TRIP12: variants seen among roughly 807,000 people sequenced by gnomAD.
TRIP12 encodes the protein E3 ubiquitin-protein ligase TRIP12.
Under a neutral mutation model 244.2 loss-of-function variants are expected in TRIP12, and 25 were observed. That is an observed-to-expected ratio of 0.10 (90% CI 0.07 to 0.14). TRIP12 has a LOEUF of 0.14. Among genes scored for constraint, TRIP12 ranks in the 10% least tolerant of loss-of-function variants. TRIP12 has a pLI of 1.00. For synonymous variants in TRIP12, 905 were observed against 873.1 expected, an observed-to-expected ratio of 1.04 and a Z score of -0.64; for missense variants, 1,677 against 2,486.4, an observed-to-expected ratio of 0.67 and a Z score of 6.92.
intron 2 of TRIP12, among the ~76,000 whole-genome samples, chr2:229,870,799 A>G (rs1576401172): frequency 6.6e-6 from 1 of 152,192 alleles, no homozygotes; most frequent in African/African-American, 2.4e-5. Flanking sequence ...AAAAATCAAG[A>G]AAAGGAAAGT....
At chr2:229,856,862 A>T (rs754196739) in intron 4 of TRIP12, among the ~76,000 whole-genome samples, 2 of 152,218 alleles carry the variant, frequency 1.3e-5, no homozygotes, top group Admixed American at 6.5e-5. Flanking sequence ...TTTAAACTTA[A>T]AACATTTTAT....
chr2:229,849,910 T>A (rs1218176361), intron 4 of TRIP12, among the ~76,000 whole-genome samples: 2 of 141,046 alleles, frequency 1.4e-5, no homozygotes, highest in African/African-American at 5.3e-5. Context: ...AAATATAAAG[T>A]GAAAATTTTT....
intron 23 of TRIP12, 26 bp downstream of exon 23, chr2:229,798,849 G>A: frequency 1.9e-6 from 3 of 1,609,426 alleles, no homozygotes; most frequent in South Asian, 1.1e-5. Context: ...GGGAATAGAA[G>A]AAACATAAAA....
chr2:229,917,764 A>T (rs2075773771), intron 1 of TRIP12, among the ~76,000 whole-genome samples: 1 of 152,154 alleles, frequency 6.6e-6, no homozygotes, highest in South Asian at 2.1e-4. Flanking sequence ...CATGATCATA[A>T]CTATTAACTT....
chr2:229,862,618 C>T (rs917667713), intron 2 of TRIP12, among the ~76,000 whole-genome samples: 12 of 152,158 alleles, frequency 7.9e-5, no homozygotes, highest in Admixed American at 2.0e-4. Flanking sequence ...AGCTAGACAA[C>T]TTTGTGAAAA....
At chr2:229,914,449 A>G (rs1197286570) in intron 1 of TRIP12, among the ~76,000 whole-genome samples, 5 of 152,188 alleles carry the variant, frequency 3.3e-5, no homozygotes, top group Non-Finnish European at 5.9e-5. Flanking sequence ...TTGGTTTTTG[A>G]GAATCAAAAA....
At chr2:229,829,163 G>A in intron 8 of TRIP12, 30 bp downstream of exon 8, 1 of 1,595,800 alleles carries the variant, frequency 6.3e-7, no homozygotes, top group Non-Finnish European at 8.6e-7. Context: ...AATTATTGAG[G>A]GATTTCAGGG....
intron 1 of TRIP12, among the ~76,000 whole-genome samples, chr2:229,903,526 A>AGAT (rs2071694272): frequency 6.6e-6 from 1 of 152,016 alleles, no homozygotes; most frequent in African/African-American, 2.4e-5. Context: ...GAAAAGCAGG[A>AGAT]GATGATGTCA....
At chr2:229,919,784 G>A (rs536606234) in intron 1 of TRIP12, among the ~76,000 whole-genome samples, 1 of 152,240 alleles carries the variant, frequency 6.6e-6, no homozygotes, top group Non-Finnish European at 1.5e-5. Context: ...CACATTCATA[G>A]AAAGGCAGAC....
At chr2:229,909,625 A>T (rs191278654) in intron 1 of TRIP12, among the ~76,000 whole-genome samples, 226 of 151,080 alleles carry the variant, frequency 1.5e-3, no homozygotes, top group African/African-American at 5.0e-3. Context: ...AGGCTGAGGC[A>T]GGAGGACTGC....
Position 229,811,116 on chromosome 2 carries a change from A to G in TRIP12, c.2055+20T>C. On this transcript the variant is annotated intron_variant, in intron 14 of 41. Transcript: ENST00000675903. Reference sequence around the variant, plus strand: ...AATTCAACAACCTCATAAAAATACTACCAAAGACTAAACACTTACCTCCTC... The same window carrying G: ...AATTCAACAACCTCATAAAAATACTGCCAAAGACTAAACACTTACCTCCTC... 1 of 1,613,970 alleles carries G rather than the reference A, an allele frequency of 6.2e-7. No homozygotes were observed. The highest frequency in any genetic ancestry group is 8.5e-7 in the Non-Finnish European group (1 of 1,179,954).
rs2037149338 is a variant in TRIP12 at position 229,778,817 on chromosome 2, T to G, written c.5209+59A>C. On this transcript the variant is annotated intron_variant, in intron 35 of 41. Transcript: ENST00000675903. The surrounding 1 kb of genome is among the most constrained non-coding windows in gnomAD (Gnocchi z 4.1). ...GAAATTAAATATGTCTAATAAACTG[T>G]CAGAGTCCATTACCTGATCTGAGTA... 6.7e-7 allele frequency: 1 copy of G among 1,485,374 alleles called. No homozygotes were observed. Among genetic ancestry groups the G allele is most frequent in the Middle Eastern group, 1.7e-4 (1 of 5,770 alleles). 92.0% of individuals were successfully genotyped at this position (1,485,374 alleles called of 1,614,324 possible).
chr2:229,786,591 GTA>G (rs2040127380), intron 33 of TRIP12, among the ~76,000 whole-genome samples: 2 of 63,498 alleles, frequency 3.1e-5, no homozygotes, highest in South Asian at 5.9e-4. Context: ...TTTTTTTTTT[GTA>G]TTTTTAGTAG....
intron 13 of TRIP12, among the ~76,000 whole-genome samples, chr2:229,813,226 C>T (rs912558330): frequency 3.9e-5 from 6 of 152,170 alleles, no homozygotes. Flanking sequence ...TCCAATGCCT[C>T]TCAAGAAAGA....
At chr2:229,807,625 C>T in intron 17 of TRIP12, 83 bp downstream of exon 17, 2 of 1,508,184 alleles carry the variant, frequency 1.3e-6, no homozygotes, top group Non-Finnish European at 1.8e-6. Context: ...ACATTCAAAT[C>T]CACATATCCA....
At chr2:229,920,150 G>C (rs1231717207) in intron 1 of TRIP12, among the ~76,000 whole-genome samples, 1 of 152,062 alleles carries the variant, frequency 6.6e-6, no homozygotes, top group Non-Finnish European at 1.5e-5. Flanking sequence ...CCTTTGTTCT[G>C]AGCGTCGTTT....
chr2:229,868,447 C>G (rs1031446682), intron 2 of TRIP12, among the ~76,000 whole-genome samples: 3 of 152,184 alleles, frequency 2.0e-5, no homozygotes, highest in African/African-American at 7.2e-5. Context: ...AAACGATCTG[C>G]CTGCTTCAGC....
At chr2:229,866,948 T>C (rs1460533302) in intron 2 of TRIP12, among the ~76,000 whole-genome samples, 2 of 152,140 alleles carry the variant, frequency 1.3e-5, no homozygotes, top group African/African-American at 2.4e-5. Context: ...GCAAATGATA[T>C]AAATTGCCCT....
intron 8 of TRIP12, among the ~76,000 whole-genome samples, chr2:229,823,119 A>G (rs543907328): frequency 6.6e-6 from 1 of 152,310 alleles, no homozygotes; most frequent in East Asian, 1.9e-4. Context: ...TACTCTCCAA[A>G]AGGAAAGGAA....
Sources: gnomAD v4.1 joint callset for allele counts (sites outside exome capture counted in the v4.1 genomes callset) on GRCh38, gnomAD v4.1.1 for gene constraint, Gnocchi (gnomAD v3.1) non-coding constraint, MANE v1.5 for transcripts, NCBI Gene and HGNC (gene_info 2026-07-23, HGNC 2026-07-21) for gene names.